Variants in PIP4K2B observed in about 807,000 individuals in gnomAD.
PIP4K2B encodes phosphatidylinositol-5-phosphate 4-kinase type 2 beta.
Under a neutral mutation model 42.0 loss-of-function variants are expected in PIP4K2B, and 3 were observed. The ratio of observed to expected loss-of-function variants is 0.07; its 90% CI spans 0.03 to 0.18. The LOEUF (loss-of-function observed/expected upper bound fraction) is 0.18, where lower values mean the gene tolerates loss of function less well. PIP4K2B is among the 10% of genes least tolerant of loss of function. The pLI, the probability that PIP4K2B is intolerant of heterozygous loss-of-function variation, is 1.00. For synonymous variants in PIP4K2B, 204 were observed against 210.1 expected, an observed-to-expected ratio of 0.97 and a Z score of 0.25; for missense variants, 332 against 562.3, an observed-to-expected ratio of 0.59 and a Z score of 4.14.
chr17:38,779,580 G>A, intron 4 of PIP4K2B, 51 bp from the exon 5 acceptor site: 3 of 1,552,000 alleles, frequency 1.9e-6, no homozygotes, highest in Non-Finnish European at 2.7e-6. Context: ...CAGTGCCAGG[G>A]ATGGATGGGG....
intron 7 of PIP4K2B, among the ~76,000 whole-genome samples, chr17:38,776,395 G>A (rs1007025642): frequency 6.6e-6 from 1 of 152,148 alleles, no homozygotes; most frequent in Admixed American, 6.5e-5. Context: ...TAGAGTTTCA[G>A]CTGGGAAAGA....
chr17:38,795,777 T>C (rs1910627210), intron 1 of PIP4K2B, among the ~76,000 whole-genome samples: 2 of 148,390 alleles, frequency 1.3e-5, no homozygotes, highest in South Asian at 2.1e-4. Context: ...GAAAAGAATA[T>C]GTACAAATGG....
intron 1 of PIP4K2B, among the ~76,000 whole-genome samples, chr17:38,793,043 C>T (rs1910422917): frequency 6.6e-6 from 1 of 152,092 alleles, no homozygotes; most frequent in Non-Finnish European, 1.5e-5. Flanking sequence ...ATTCTCCTGC[C>T]TCAGCCTCTT....
chr17:38,789,035 C>T (rs911746399), intron 1 of PIP4K2B, among the ~76,000 whole-genome samples: 4 of 152,130 alleles, frequency 2.6e-5, no homozygotes, highest in African/African-American at 9.7e-5. Context: ...GGGAGGATTG[C>T]TTGAGGCCAG....
At chr17:38,784,407 A>T (rs987367535) in intron 2 of PIP4K2B, 68 bp from the exon 3 acceptor site, 122 of 835,838 alleles carry the variant, frequency 1.5e-4, no homozygotes, top group Middle Eastern at 3.4e-4. Flanking sequence ...TATTATTATT[A>T]TTTTTTGTAA....
At position 38,767,155 on chromosome 17, in the gene PIP4K2B, C is replaced by T. The variant is rs572071830; in HGVS notation, c.*2536G>A. On this transcript the variant is annotated 3_prime_UTR_variant, in exon 10 of 10. Transcript: ENST00000619039. ...GCAGTCACTTCCCCTCCAATGCCCTCGACTGCCCAGTAAAAGAATGGCGGG... is the reference window on the plus strand; with the variant it reads ...GCAGTCACTTCCCCTCCAATGCCCTTGACTGCCCAGTAAAAGAATGGCGGG... The T allele has an allele frequency of 6.6e-6, 1 of 152,312 alleles. No individual in the cohort carries two copies. The highest frequency in any genetic ancestry group is 2.1e-4 in the South Asian group (1 of 4,824). 9.4% of individuals were successfully genotyped at this position (152,312 alleles called of 1,614,324 possible).
rs768809374 is a variant in PIP4K2B, at chr17:38,780,591, C to T, written c.368G>A (p.Arg123His). ...GCTGTCACTGTTGATGGGGGCGCTG[C>T]GCGTCACTGAATTCTGATAATCGAG... ...DDQDYQNSVT[R>H]SAPINSDSQG... The change falls in exon 4 of 10, where the codon CGC (arginine) becomes CAC (histidine). Residue 123 changes from arginine (R) to histidine (H), a missense_variant. This residue lies in a region of PIP4K2B where 186 missense variants were observed against 288.4 expected (regional missense o/e 0.64). Coordinates refer to ENST00000619039, the MANE Select transcript of PIP4K2B (RefSeq NM_003559.5). 5.6e-6 allele frequency: 9 copies of T among 1,611,360 alleles called. No individual in the cohort carries two copies. Among genetic ancestry groups the T allele is most frequent in the African/African-American group, 5.3e-5 (4 of 74,880 alleles).
Position 38,768,582 on chromosome 17 carries a change from A to G in PIP4K2B, c.*1109T>C, listed in dbSNP as rs1466500021. 6.6e-6 allele frequency: 1 copy of G among 152,222 alleles called. No homozygotes were observed. Among genetic ancestry groups the G allele is most frequent in the East Asian group, 1.9e-4 (1 of 5,198 alleles). 9.4% of individuals were successfully genotyped at this position (152,222 alleles called of 1,614,324 possible). ...GGCACAGGGAGACAGATCTCCTACA[A>G]GGTCATCCCGGAGCTTAACGAGGTG... On this transcript the variant is annotated 3_prime_UTR_variant, in exon 10 of 10. Transcript: ENST00000619039.
At chr17:38,778,964 C>T (rs890999863) in intron 5 of PIP4K2B, among the ~76,000 whole-genome samples, 5 of 152,136 alleles carry the variant, frequency 3.3e-5, no homozygotes, top group South Asian at 4.2e-4. Context: ...GAAGGGATGG[C>T]GGCATAAGGT....
Position 38,799,212 on chromosome 17 carries a change from G to C in PIP4K2B, c.159+54C>G. On this transcript the variant is annotated intron_variant, in intron 1 of 9. Coordinates refer to ENST00000619039, the MANE Select transcript of PIP4K2B (RefSeq NM_003559.5). This position sits in a 1 kb window ranked among gnomAD's most constrained non-coding sequence, Gnocchi z 4.4. ...GCGGGGCAAGGGCCCAGGGCTGCAG[G>C]GGGCGTGGGAGCGCGCGGGGCCGCG... The C allele has an allele frequency of 4.0e-6, 6 of 1,517,248 alleles. No individual in the cohort carries two copies. In the South Asian group the frequency reaches 7.5e-5, roughly 19 times the overall value. 94.0% of individuals were successfully genotyped at this position (1,517,248 alleles called of 1,614,324 possible). A position where few individuals can be genotyped will look rare whatever the true frequency, so the allele number is the denominator to read the frequency against.
At chr17:38,782,772 G>T (rs773011526) in intron 3 of PIP4K2B, among the ~76,000 whole-genome samples, 5 of 152,142 alleles carry the variant, frequency 3.3e-5, no homozygotes, top group Non-Finnish European at 7.3e-5. Context: ...TATCAAAGGG[G>T]TGGGGTGGGA....
At chr17:38,781,126 C>T (rs1341777703) in intron 3 of PIP4K2B, among the ~76,000 whole-genome samples, 1 of 152,040 alleles carries the variant, frequency 6.6e-6, no homozygotes, top group African/African-American at 2.4e-5. Flanking sequence ...CGTCTCTTGT[C>T]CCTGGATCTA....
chr17:38,791,496 G>A (rs1420831285), intron 1 of PIP4K2B, among the ~76,000 whole-genome samples: 1 of 131,060 alleles, frequency 7.6e-6, no homozygotes, highest in Non-Finnish European at 1.5e-5. Context: ...CGCAACTTCC[G>A]CCTCCCGGGT....
In PIP4K2B at chr17:38,779,363, G is replaced by A. The variant is rs368988946; in HGVS notation, c.654+20C>T. 1.9e-5 allele frequency: 31 copies of A among 1,592,434 alleles called. No homozygotes were observed. The highest frequency in any genetic ancestry group is 2.6e-5 in the Non-Finnish European group (30 of 1,163,252). Reference sequence around the variant, plus strand: ...CAGATAGAGGGGAGGCACAGCTCCGGCAAACACAGAGCCCTTTACCTTGAG... The same window carrying A: ...CAGATAGAGGGGAGGCACAGCTCCGACAAACACAGAGCCCTTTACCTTGAG... On this transcript the variant is annotated intron_variant, in intron 5 of 9. Coordinates refer to ENST00000619039, the MANE Select transcript of PIP4K2B (RefSeq NM_003559.5).
At position 38,777,871 on chromosome 17, in the gene PIP4K2B, C is replaced by T. The variant is rs2075061; in HGVS notation, c.694-71G>A. 634,269 of 1,089,208 alleles carry T rather than the reference C, an allele frequency of 0.58. 185,795 individuals carry two copies. The highest frequency in any genetic ancestry group is 0.68 in the African/African-American group (43,803 of 64,814). The allele number at this position is 1,089,208 out of a possible 1,614,324, so 67.5% of individuals were successfully genotyped here. A position where few individuals can be genotyped will look rare whatever the true frequency, so the allele number is the denominator to read the frequency against. On this transcript the variant is annotated intron_variant, in intron 6 of 9. Coordinates refer to ENST00000619039, the MANE Select transcript of PIP4K2B (RefSeq NM_003559.5). ...CCCCAGGGACACCCAACTGTTCTGC[C>T]GGGAGCAACTATACAGAAAGGGGAA...
rs1909448889 is a variant in PIP4K2B, at chr17:38,777,819, T to C, written c.694-19A>G. The C allele has an allele frequency of 6.4e-7, 1 of 1,554,046 alleles. No individual in the cohort carries two copies. Among genetic ancestry groups the C allele is most frequent in the Non-Finnish European group, 8.9e-7 (1 of 1,125,142 alleles). ...CCTTGGCCTAGGAGAGCAACAGCAG[T>C]TAGGCTGGGTAAGCCTGATTAATTC... On this transcript the variant is annotated intron_variant, in intron 6 of 9. Transcript: ENST00000619039.
At chr17:38,778,296 C>T in intron 6 of PIP4K2B, 38 bp downstream of exon 6, 1 of 1,609,152 alleles carries the variant, frequency 6.2e-7, no homozygotes, top group Non-Finnish European at 8.5e-7. Context: ...GTTTCTGACT[C>T]CAAGCGACCC....
At chr17:38,795,110 AAAAAAAAAAAAAAAG>A (rs1459804202) in intron 1 of PIP4K2B, among the ~76,000 whole-genome samples, 4 of 150,516 alleles carry the variant, frequency 2.7e-5, no homozygotes, top group Non-Finnish European at 4.4e-5. Flanking sequence ...AAAAAAAAAA[AAAAAAAAAAAAAAAG>A]AAAAATGAAA....
chr17:38,780,656 A>C, intron 3 of PIP4K2B, 52 bp from the exon 4 acceptor site: 1 of 1,572,830 alleles, frequency 6.4e-7, no homozygotes, highest in Non-Finnish European at 8.7e-7. Context: ...CAGAATTCTG[A>C]CTTTCGCTGA....
Sources: allele counts gnomAD v4.1 joint callset (sites outside exome capture counted in the v4.1 genomes callset), GRCh38; gene constraint gnomAD v4.1.1; regional missense constraint gnomAD v4.1.1; non-coding constraint Gnocchi (gnomAD v3.1); transcripts MANE v1.5; gene names NCBI Gene and HGNC (gene_info 2026-07-23, HGNC 2026-07-21).